The following PCCA variants were observed in gnomAD, a reference collection of about 807,000 sequenced individuals.
The protein encoded by PCCA is propionyl-CoA carboxylase alpha chain, mitochondrial.
A neutral mutation model predicts 101.3 loss-of-function variants in PCCA; 74 were observed. That is an observed-to-expected ratio of 0.73 (90% CI 0.61 to 0.89). The LOEUF is 0.89. PCCA is among the 40% of genes least tolerant of loss of function. The pLI, the probability that PCCA is intolerant of heterozygous loss-of-function variation, is 0.00. For synonymous variants in PCCA, 294 were observed against 313.6 expected (o/e 0.94, Z 0.66); for missense variants, 891 against 907.0 (o/e 0.98, Z 0.23).
At chr13:100,176,127 C>T (rs190608627) in intron 6 of PCCA, among the ~76,000 whole-genome samples, 1 of 152,170 alleles carries the variant, frequency 6.6e-6, no homozygotes, top group Non-Finnish European at 1.5e-5. Flanking sequence ...CCATCTTTGC[C>T]TGATTGGTAG....
chr13:100,528,440 C>T (rs1433695769), intron 23 of PCCA, among the ~76,000 whole-genome samples: 1 of 152,172 alleles, frequency 6.6e-6, no homozygotes, highest in Non-Finnish European at 1.5e-5. Context: ...GCAAGGCTGG[C>T]CGTGTTCTGC....
chr13:100,384,442 G>C (rs931888340), intron 19 of PCCA, among the ~76,000 whole-genome samples: 5 of 152,120 alleles, frequency 3.3e-5, no homozygotes, highest in African/African-American at 1.2e-4. Flanking sequence ...TAATAACTTT[G>C]TGTTCTCAAA....
chr13:100,137,392 C>T (rs973554684), intron 4 of PCCA, among the ~76,000 whole-genome samples: 1 of 152,162 alleles, frequency 6.6e-6, no homozygotes, highest in Non-Finnish European at 1.5e-5. Context: ...TCCAGTTCCT[C>T]TATATCCATG....
chr13:100,505,098 C>T (rs763012624), intron 21 of PCCA, among the ~76,000 whole-genome samples: 12 of 152,228 alleles, frequency 7.9e-5, no homozygotes, highest in African/African-American at 1.4e-4. Flanking sequence ...CTCTCTGCTG[C>T]CTCGCAGCCT....
At chr13:100,091,603 A>G (rs1277615203) in intron 1 of PCCA, among the ~76,000 whole-genome samples, 1 of 152,106 alleles carries the variant, frequency 6.6e-6, no homozygotes, top group Admixed American at 6.6e-5. Context: ...AATCTTTTGA[A>G]GATTTTAACC....
intron 19 of PCCA, among the ~76,000 whole-genome samples, chr13:100,397,606 T>C (rs1010771522): frequency 3.3e-5 from 5 of 152,204 alleles, no homozygotes; most frequent in African/African-American, 1.2e-4. Flanking sequence ...TTATAAAATA[T>C]GCCATTTTCT....
rs773033856 is a variant in PCCA, at chr13:100,515,543, C to A, written c.2016C>A (p.Ala672=). 35 of 1,613,898 alleles carry A rather than the reference C, an allele frequency of 2.2e-5. No homozygotes were observed. The highest frequency in any genetic ancestry group is 1.2e-4 in the Admixed American group (7 of 60,008). Residue 672 remains alanine (A), a synonymous_variant, in exon 22 of 24, where the codon GCC becomes GCA. Coordinates refer to ENST00000376285, the MANE Select transcript of PCCA (RefSeq NM_000282.4). ...LRSPMPGVVV[A]VSVKPGDAVA... ...CCCCGATGCCCGGAGTGGTGGTGGC[C>A]GTCTCTGTCAAGCCTGGAGACGCGG...
At chr13:100,335,339 G>A (rs1401355897) in intron 17 of PCCA, among the ~76,000 whole-genome samples, 1 of 152,124 alleles carries the variant, frequency 6.6e-6, no homozygotes, top group Non-Finnish European at 1.5e-5. Context: ...AGCCCACTAG[G>A]AAGAAGAAAG....
intron 2 of PCCA, among the ~76,000 whole-genome samples, chr13:100,106,160 C>G (rs2047777121): frequency 6.6e-6 from 1 of 151,878 alleles, no homozygotes; most frequent in African/African-American, 2.4e-5. Flanking sequence ...CTATGGTGAG[C>G]CTTTCTTGCA....
At position 100,095,305 on chromosome 13, in the gene PCCA, C is replaced by CACATCATTTTTGACA. The variant is rs2046670550; in HGVS notation, c.105+6080_105+6081insACATCATTTTTGACA. ...TGGCAAAGACACTTTATCACAGGTT[C>CACATCATTTTTGACA]CAGGACGTGGACACATCATTTTAGG... On this transcript the variant is annotated intron_variant, in intron 1 of 23. Coordinates refer to ENST00000376285, the MANE Select transcript of PCCA (RefSeq NM_000282.4). Among the ~76,000 whole-genome samples the CACATCATTTTTGACA allele has an allele frequency of 3.3e-5, 5 of 152,298 alleles. No homozygotes were observed. The South Asian group carries it at 8.3e-4, about 25-fold the overall frequency.
intron 20 of PCCA, among the ~76,000 whole-genome samples, chr13:100,437,539 G>GTTT (rs5806161): frequency 1.0e-4 from 15 of 146,766 alleles, no homozygotes; most frequent in African/African-American, 3.0e-4. Context: ...TTGTTTATTT[G>GTTT]TTTTTTTTTT....
chr13:100,446,947 T>G (rs946241426), intron 20 of PCCA, among the ~76,000 whole-genome samples: 16 of 152,236 alleles, frequency 1.1e-4, no homozygotes, highest in Non-Finnish European at 2.1e-4. Context: ...AGGCTGGATA[T>G]ATACCACAAT....
At chr13:100,329,496 A>T (rs540870700) in intron 16 of PCCA, among the ~76,000 whole-genome samples, 2 of 152,186 alleles carry the variant, frequency 1.3e-5, no homozygotes, top group Non-Finnish European at 2.9e-5. Flanking sequence ...TTAAAGCTAC[A>T]TGAGAAGTTG....
intron 19 of PCCA, among the ~76,000 whole-genome samples, chr13:100,404,596 C>T (rs534449338): frequency 6.6e-5 from 10 of 152,064 alleles, no homozygotes; most frequent in Non-Finnish European, 1.2e-4. Flanking sequence ...CTCTTCCTAG[C>T]AGATACTCAG....
rs1342930779 is a variant in PCCA, at chr13:100,262,791, T to C, written c.779T>C (p.Ile260Thr). 3 of 1,553,304 alleles carry C rather than the reference T, an allele frequency of 1.9e-6. No individual in the cohort carries two copies. The highest frequency in any genetic ancestry group is 2.7e-6 in the Non-Finnish European group (3 of 1,128,972). ...AGTTTTGGCGATGATAGACTACTAA[T>C]AGAAAAATTTATTGATAATCCTCGT... is the stretch of plus-strand genomic sequence containing the variant. ...ASSFGDDRLL[I>T]EKFIDNPRHI... Residue 260 changes from isoleucine (I) to threonine (T), a missense_variant, in exon 10 of 24, where the codon ATA (isoleucine) becomes ACA (threonine). Physicochemically the swap from Ile to Thr is moderately conservative, Grantham distance 89. Transcript: ENST00000376285.
At chr13:100,235,224 GT>G in intron 7 of PCCA, among the ~76,000 whole-genome samples, 1 of 141,338 alleles carries the variant, frequency 7.1e-6, no homozygotes, top group Non-Finnish European at 1.5e-5. Flanking sequence ...TGAAATTAAA[GT>G]TTTTTTTTAA....
At chr13:100,207,125 T>TA (rs149310961) in intron 6 of PCCA, among the ~76,000 whole-genome samples, 269 of 152,352 alleles carry the variant, frequency 1.8e-3, no homozygotes, top group Non-Finnish European at 3.2e-3. Context: ...ATAGGTGCCC[T>TA]AGCCATAAAC....
At chr13:100,228,161 G>A (rs1046323492) in intron 7 of PCCA, among the ~76,000 whole-genome samples, 1 of 152,002 alleles carries the variant, frequency 6.6e-6, no homozygotes, top group Non-Finnish European at 1.5e-5. Flanking sequence ...GATTAAAGGC[G>A]CATGCCACCA....
chr13:100,425,491 C>T (rs2079078723), intron 19 of PCCA, 142 bp from the exon 20 acceptor site: 5 of 711,656 alleles, frequency 7.0e-6, no homozygotes, highest in African/African-American at 1.7e-5. Context: ...TGGACCCTGT[C>T]TTTCTTGGCT....
Sources: allele counts gnomAD v4.1 joint callset (sites outside exome capture counted in the v4.1 genomes callset), GRCh38; gene constraint gnomAD v4.1.1; transcripts MANE v1.5; gene names NCBI Gene and HGNC (gene_info 2026-07-23, HGNC 2026-07-21).